The following SAXO1 variants were observed in gnomAD, a reference collection of about 807,000 sequenced individuals.
SAXO1 encodes the protein stabilizer of axonemal microtubules 1, also known as 4930500O09Rik.
A neutral mutation model predicts 17.5 loss-of-function variants in SAXO1; 21 were observed. The ratio of observed to expected loss-of-function variants is 1.20; its 90% CI spans 0.85 to 1.72. The LOEUF (loss-of-function observed/expected upper bound fraction) is 1.72. Among genes scored for constraint, SAXO1 ranks in the 40% most tolerant of loss-of-function variants. The pLI is 0.00. For missense variants in SAXO1, 843 were observed against 596.0 expected (o/e 1.41, Z -4.32); for synonymous variants, 274 against 216.5 (o/e 1.27, Z -2.33).
intron 3 of SAXO1, 23 bp downstream of exon 3, chr9:18,941,614 T>C: frequency 6.2e-7 from 1 of 1,613,434 alleles, no homozygotes; most frequent in Non-Finnish European, 8.5e-7. Flanking sequence ...TTTCCCCCAA[T>C]CTGCCCCTCT....
chr9:18,974,815 T>G (rs1833072835), intron 1 of SAXO1, among the ~76,000 whole-genome samples: 1 of 152,142 alleles, frequency 6.6e-6, no homozygotes, highest in South Asian at 2.1e-4. Flanking sequence ...GCAACCATGG[T>G]GGTGACAGTG....
intron 2 of SAXO1, among the ~76,000 whole-genome samples, chr9:18,943,127 G>A (rs182999964): frequency 6.6e-6 from 1 of 152,180 alleles, no homozygotes; most frequent in Non-Finnish European, 1.5e-5. Context: ...CAGTAAACCC[G>A]AACCGGGTCC....
chr9:18,941,909 C>G, intron 2 of SAXO1, 70 bp from the exon 3 acceptor site: 1 of 1,422,934 alleles, frequency 7.0e-7, no homozygotes, highest in Non-Finnish European at 9.9e-7. Flanking sequence ...CTGCTCAACC[C>G]AACTCTACAA....
intron 3 of SAXO1, among the ~76,000 whole-genome samples, chr9:18,941,196 C>G (rs1831539387): frequency 6.6e-6 from 1 of 152,150 alleles, no homozygotes; most frequent in Non-Finnish European, 1.5e-5. Context: ...AGGATTCAAA[C>G]TGCAAGCTAA....
chr9:18,954,908 G>GA (rs35168788), intron 1 of SAXO1, among the ~76,000 whole-genome samples: 15,232 of 114,462 alleles, frequency 0.13, 995 homozygotes, highest in South Asian at 0.21. Flanking sequence ...ACACAGGTAA[G>GA]AAAAAAAAGT....
At chr9:18,931,177 A>T (rs546116298) in intron 3 of SAXO1, among the ~76,000 whole-genome samples, 1 of 152,188 alleles carries the variant, frequency 6.6e-6, no homozygotes, top group Non-Finnish European at 1.5e-5. Context: ...GTCAGTCTTT[A>T]CTCCCATCTC....
intron 1 of SAXO1, among the ~76,000 whole-genome samples, chr9:18,966,493 C>T (rs1012916023): frequency 6.6e-6 from 1 of 152,050 alleles, no homozygotes; most frequent in Non-Finnish European, 1.5e-5. Context: ...TTAAGTTGAT[C>T]TTCAAACTCT....
chr9:18,956,599 G>A (rs1021051359), intron 1 of SAXO1, among the ~76,000 whole-genome samples: 9 of 152,118 alleles, frequency 5.9e-5, no homozygotes, highest in Admixed American at 5.9e-4. Flanking sequence ...TCCTAGCTCT[G>A]CCACTGACTA....
intron 3 of SAXO1, among the ~76,000 whole-genome samples, chr9:18,936,071 G>T (rs941593608): frequency 6.6e-6 from 1 of 152,094 alleles, no homozygotes; most frequent in African/African-American, 2.4e-5. Flanking sequence ...AGAAATGGTT[G>T]ATTTTCACTG....
At chr9:19,021,635 A>C (rs912573640) in intron 1 of SAXO1, among the ~76,000 whole-genome samples, 1 of 152,200 alleles carries the variant, frequency 6.6e-6, no homozygotes, top group Non-Finnish European at 1.5e-5. Context: ...CAAAGCTTGT[A>C]AGTAATTAAA....
At chr9:18,977,993 CAAAAAAAA>C (rs371914686) in intron 1 of SAXO1, among the ~76,000 whole-genome samples, 3 of 98,662 alleles carry the variant, frequency 3.0e-5, no homozygotes, top group African/African-American at 4.2e-5. Flanking sequence ...GAGACCCTGC[CAAAAAAAA>C]AAAAAAAAAA....
chr9:19,018,978 G>A lies in SAXO1; in HGVS notation c.38+13893C>T, dbSNP rs570885097. On this transcript the variant is annotated intron_variant, in intron 1 of 3. Coordinates refer to ENST00000380534, the MANE Select transcript of SAXO1 (RefSeq NM_153707.4). Reference sequence around the variant, plus strand: ...TACAAAATTAGCCAGGCTTGGTGGCGGGCACCTGTAATCCCAGCTACTGGG... The same window carrying A: ...TACAAAATTAGCCAGGCTTGGTGGCAGGCACCTGTAATCCCAGCTACTGGG... 4.0e-5 allele frequency among the ~76,000 whole-genome samples: 6 copies of A among 151,898 alleles called. No individual in the cohort carries two copies. The East Asian group carries it at 5.8e-4, about 15-fold the overall frequency.
intron 3 of SAXO1, among the ~76,000 whole-genome samples, chr9:18,935,696 T>C (rs569101193): frequency 1.6e-4 from 24 of 152,330 alleles, no homozygotes; most frequent in Middle Eastern, 3.4e-3. Flanking sequence ...CCTTCTTACA[T>C]TCCTAGCTGG....
intron 1 of SAXO1, among the ~76,000 whole-genome samples, chr9:19,013,539 G>A (rs987990117): frequency 1.1e-4 from 13 of 115,770 alleles, no homozygotes; most frequent in Non-Finnish European, 1.9e-4. Flanking sequence ...TAAAAGTACG[G>A]ATTTTTTTTT....
chr9:18,929,539 C>T (rs1830943793), intron 3 of SAXO1, among the ~76,000 whole-genome samples: 2 of 152,186 alleles, frequency 1.3e-5, no homozygotes, highest in Non-Finnish European at 2.9e-5. Flanking sequence ...AGTGACAGCC[C>T]ACTGTGTCCC....
chr9:18,998,103 GGAGAATGACTTT>G (rs1834087618), intron 1 of SAXO1, among the ~76,000 whole-genome samples: 1 of 152,162 alleles, frequency 6.6e-6, no homozygotes, highest in Admixed American at 6.5e-5. Flanking sequence ...AAAACTGGAT[GGAGAATGACTTT>G]GACAAGTTGA....
At chr9:19,005,530 G>C (rs1834448966) in intron 1 of SAXO1, among the ~76,000 whole-genome samples, 1 of 152,138 alleles carries the variant, frequency 6.6e-6, no homozygotes, top group Non-Finnish European at 1.5e-5. Flanking sequence ...AATGTGGGAA[G>C]GACAGCCTTT....
chr9:18,948,094 A>C (rs1831869857), intron 2 of SAXO1, among the ~76,000 whole-genome samples: 1 of 152,210 alleles, frequency 6.6e-6, no homozygotes, highest in South Asian at 2.1e-4. Flanking sequence ...CTGCACAGAC[A>C]CAAGGGTGTG....
At chr9:19,012,900 C>G (rs918442614) in intron 1 of SAXO1, among the ~76,000 whole-genome samples, 1 of 152,166 alleles carries the variant, frequency 6.6e-6, no homozygotes, top group Admixed American at 6.5e-5. Flanking sequence ...AGGGTGCTGA[C>G]AGAAATCAAG....
Sources: gnomAD v4.1 joint callset for allele counts (sites outside exome capture counted in the v4.1 genomes callset) on GRCh38, gnomAD v4.1.1 for gene constraint, MANE v1.5 for transcripts, NCBI Gene and HGNC (gene_info 2026-07-23, HGNC 2026-07-21) for gene names.